The following ISY1 variants were observed in gnomAD, a reference collection of about 807,000 sequenced individuals.
ISY1 encodes ISY1 spliceosome associated protein.
ISY1 carries 12 observed loss-of-function variants against 54.4 expected under a neutral mutation model. That is an observed-to-expected ratio of 0.22 (90% CI 0.14 to 0.36). The LOEUF is 0.36. ISY1 is among the 10% of genes least tolerant of loss of function. ISY1 has a pLI of 1.00. For missense variants in ISY1, 282 were observed against 342.2 expected (o/e 0.82, Z 1.39); for synonymous variants, 96 against 117.9 (o/e 0.81, Z 1.20).
intron 5 of ISY1, among the ~76,000 whole-genome samples, chr3:129,150,476 C>T (rs972957981): frequency 6.6e-6 from 1 of 152,086 alleles, no homozygotes; most frequent in Non-Finnish European, 1.5e-5. Context: ...CTTTGGGAGG[C>T]CAAGGCGGGT....
At chr3:129,149,706 G>A (rs1274211943) in intron 5 of ISY1, among the ~76,000 whole-genome samples, 16 of 133,038 alleles carry the variant, frequency 1.2e-4, no homozygotes, top group Non-Finnish European at 2.5e-4. Flanking sequence ...GCTGAGGCAG[G>A]CGAATCGCTT....
chr3:129,145,223 CAT>C (rs1491162319), intron 6 of ISY1, among the ~76,000 whole-genome samples: 5 of 56,974 alleles, frequency 8.8e-5, no homozygotes, highest in Non-Finnish European at 1.5e-4. Flanking sequence ...GGACCATAGT[CAT>C]TTTTTTTTTT....
At chr3:129,160,321 C>T (rs557734536) in intron 1 of ISY1, among the ~76,000 whole-genome samples, 4 of 151,934 alleles carry the variant, frequency 2.6e-5, no homozygotes, top group Non-Finnish European at 4.4e-5. Context: ...TACGTAGTGC[C>T]GGTACCAATC....
intron 5 of ISY1, among the ~76,000 whole-genome samples, chr3:129,148,029 G>A (rs1936827227): frequency 1.3e-5 from 2 of 151,834 alleles, no homozygotes; most frequent in African/African-American, 4.8e-5. Flanking sequence ...GCCTTACTAT[G>A]TTGCCCAAGC....
At chr3:129,160,922 C>CGGGGGGGGGGGGGGGGGG in intron 1 of ISY1, 51 bp downstream of exon 1, 1 of 586,760 alleles carries the variant, frequency 1.7e-6, no homozygotes, top group Non-Finnish European at 3.2e-6. Context: ...CTGGGCGCCC[C>CGGGGGGGGGGGGGGGGGG]CCCGCCCGCC....
intron 6 of ISY1, among the ~76,000 whole-genome samples, chr3:129,143,482 G>A (rs1213607142): frequency 6.6e-6 from 1 of 150,876 alleles, no homozygotes; most frequent in Non-Finnish European, 1.5e-5. Flanking sequence ...CTCCAGCCTG[G>A]GTGATGAAGC....
Position 129,156,638 on chromosome 3 carries a change from T to G in ISY1, c.182A>C (p.Gln61Pro), listed in dbSNP as rs200472618. The stretch of plus-strand genomic sequence containing the variant: ...AAAGGAACAAGTTTGCTTACCATTC[T>G]GAATCTGAGCCACTTTTTTAGAGAT... ...GEISKKVAQIQNAGLGEFRIR... is the reference protein window; with the variant it reads ...GEISKKVAQIPNAGLGEFRIR... Residue 61 changes from glutamine to proline, a missense_variant, in exon 5 of 11, where the codon CAG becomes CCG. Transcript: ENST00000393295. 1.7e-5 allele frequency: 27 copies of G among 1,611,668 alleles called. No homozygotes were observed. The highest frequency in any genetic ancestry group is 2.1e-5 in the Non-Finnish European group (25 of 1,179,118).
intron 3 of ISY1, among the ~76,000 whole-genome samples, chr3:129,157,716 CAAAAAA>C (rs1265760940): frequency 2.2e-5 from 1 of 44,514 alleles, no homozygotes; most frequent in Non-Finnish European, 4.1e-5. Flanking sequence ...GCGTCCATCT[CAAAAAA>C]AAAAAAAAAA....
intron 6 of ISY1, among the ~76,000 whole-genome samples, chr3:129,143,003 C>T (rs1243869663): frequency 6.6e-6 from 1 of 152,048 alleles, no homozygotes; most frequent in Non-Finnish European, 1.5e-5. Flanking sequence ...TGCAGTGAGT[C>T]GAAATCACAC....
At chr3:129,142,082 G>A (rs1936634701) in intron 6 of ISY1, among the ~76,000 whole-genome samples, 1 of 151,826 alleles carries the variant, frequency 6.6e-6, no homozygotes, top group South Asian at 2.1e-4. Flanking sequence ...GTGCACATCT[G>A]TAATTCCAGC....
At position 129,128,652 on chromosome 3, in the gene ISY1, G is replaced by C. The variant is rs532368736; in HGVS notation, c.*1429C>G. ...CACACGGCTCTGCCACCCCCAGTCT[G>C]AGCTGCTCCCCGCAGACCAACCATC... On this transcript the variant is annotated 3_prime_UTR_variant, in exon 11 of 11. Transcript: ENST00000393295. The C allele has an allele frequency of 6.5e-6, 1 of 153,440 alleles. No homozygotes were observed. The highest frequency in any genetic ancestry group is 1.4e-5 in the Non-Finnish European group (1 of 69,022). 9.5% of individuals were successfully genotyped at this position (153,440 alleles called of 1,614,324 possible).
chr3:129,145,855 C>T lies in ISY1; in HGVS notation c.206G>A (p.Arg69Gln). 1.2e-6 allele frequency: 2 copies of T among 1,614,038 alleles called. No homozygotes were observed. The highest frequency in any genetic ancestry group is 8.5e-7 in the Non-Finnish European group (1 of 1,179,990). The change falls in exon 6 of 11, where the codon CGA (arginine) becomes CAA (glutamine). Residue 69 changes from arginine (R) to glutamine (Q), a missense_variant. Physicochemically the swap from Arg to Gln is conservative, Grantham distance 43. This residue lies in a region of ISY1 where 279 missense variants were observed against 323.6 expected (regional missense o/e 0.86). Transcript: ENST00000393295. Reference sequence around the variant, plus strand: ...AATTTCATCATTCAGGTCACGAATTCGAAATTCACCTAAACCAGCTAGAAA... The same window carrying T: ...AATTTCATCATTCAGGTCACGAATTTGAAATTCACCTAAACCAGCTAGAAA... ...QIQNAGLGEF[R>Q]IRDLNDEINK...
Position 129,160,955 on chromosome 3 carries a change from C to T in ISY1, c.3+18G>A. On this transcript the variant is annotated intron_variant, in intron 1 of 10. Transcript: ENST00000393295. ...GCCCGCCCATCCACTCGCTCCCTCA[C>T]CCGCCCACCCTACTCACCATGGTGT... The T allele has an allele frequency of 6.7e-7, 1 of 1,490,246 alleles. No individual in the cohort carries two copies. The highest frequency in any genetic ancestry group is 9.1e-7 in the Non-Finnish European group (1 of 1,098,662). 92.3% of individuals were successfully genotyped at this position (1,490,246 alleles called of 1,614,324 possible). A position where few individuals can be genotyped will look rare whatever the true frequency, so the allele number is the denominator to read the frequency against.
chr3:129,160,513 T>C (rs1258761688), intron 1 of ISY1, among the ~76,000 whole-genome samples: 3 of 151,840 alleles, frequency 2.0e-5, no homozygotes, highest in Admixed American at 2.0e-4. Context: ...GTGTCAGACA[T>C]TAAGGAAGCA....
intron 5 of ISY1, among the ~76,000 whole-genome samples, chr3:129,152,273 C>T (rs1936994884): frequency 6.6e-6 from 1 of 152,184 alleles, no homozygotes; most frequent in Non-Finnish European, 1.5e-5. Context: ...TCTGCATCTA[C>T]TTAGATCATA....
intron 1 of ISY1, 93 bp downstream of exon 1, chr3:129,160,880 T>G: frequency 6.8e-6 from 10 of 1,474,614 alleles, no homozygotes; most frequent in Non-Finnish European, 9.2e-6. Flanking sequence ...ACTGCACGTC[T>G]GAGCCTCTAC....
In ISY1 at chr3:129,140,386, C is replaced by G; in HGVS notation, c.400G>C (p.Glu134Gln). The G allele has an allele frequency of 6.2e-7, 1 of 1,608,586 alleles. No individual in the cohort carries two copies. The highest frequency in any genetic ancestry group is 8.5e-7 in the Non-Finnish European group (1 of 1,178,736). Residue 134 changes from glutamate to glutamine, a missense_variant, in exon 7 of 11, where the codon GAG becomes CAG. Physicochemically the swap from Glu to Gln is conservative, Grantham distance 29. Coordinates refer to ENST00000393295, the MANE Select transcript of ISY1 (RefSeq NM_020701.4). ...TACTTACGTTCTTTTTCAAACAGCT[C>G]TCTAACACCAGGCAAATCTTTTGCT... is the stretch of plus-strand genomic sequence containing the variant. ...GAAKDLPGVR[E>Q]LFEKEPLPPP... is the part of the protein sequence containing the mutation.
chr3:129,149,689 T>C (rs1290726453), intron 5 of ISY1, among the ~76,000 whole-genome samples: 1 of 131,942 alleles, frequency 7.6e-6, no homozygotes, highest in Non-Finnish European at 1.6e-5. Context: ...TCCCAGCTAC[T>C]TGGGAGGCTG....
intron 9 of ISY1, among the ~76,000 whole-genome samples, chr3:129,133,340 C>T (rs1006727303): frequency 6.6e-6 from 1 of 152,108 alleles, no homozygotes; most frequent in Admixed American, 6.5e-5. Flanking sequence ...TGCAAAGATT[C>T]CCCAACCATG....
Sources: allele counts gnomAD v4.1 joint callset (sites outside exome capture counted in the v4.1 genomes callset), GRCh38; gene constraint gnomAD v4.1.1; regional missense constraint gnomAD v4.1.1; transcripts MANE v1.5; gene names NCBI Gene and HGNC (gene_info 2026-07-23, HGNC 2026-07-21).